The following STK32B variants were observed in gnomAD, a reference collection of about 807,000 sequenced individuals.
The protein encoded by STK32B is serine/threonine kinase 32B.
A neutral mutation model predicts 52.6 loss-of-function variants in STK32B; 43 were observed. The ratio of observed to expected loss-of-function variants is 0.82; its 90% CI spans 0.64 to 1.05. STK32B has a LOEUF of 1.05. Among genes scored for constraint, STK32B ranks in the 50% least tolerant of loss-of-function variants. The pLI is 0.00. For missense variants in STK32B, 621 were observed against 534.6 expected, an observed-to-expected ratio of 1.16 and a Z score of -1.59; for synonymous variants, 238 against 204.3, an observed-to-expected ratio of 1.17 and a Z score of -1.41.
At chr4:5,461,036 G>T (rs1313467920) in intron 9 of STK32B, among the ~76,000 whole-genome samples, 2 of 152,184 alleles carry the variant, frequency 1.3e-5, no homozygotes, top group Non-Finnish European at 2.9e-5. Flanking sequence ...GTTTGGACCT[G>T]CCTGGAAGCC....
At chr4:5,207,663 G>A (rs1722658802) in intron 3 of STK32B, among the ~76,000 whole-genome samples, 1 of 151,634 alleles carries the variant, frequency 6.6e-6, no homozygotes, top group African/African-American at 2.4e-5. Flanking sequence ...TCTCAAAAAT[G>A]CAGTCTCAGA....
intron 11 of STK32B, among the ~76,000 whole-genome samples, chr4:5,481,977 G>C (rs181506344): frequency 6.6e-6 from 1 of 152,166 alleles, no homozygotes; most frequent in African/African-American, 2.4e-5. Flanking sequence ...ATGCTGTTTT[G>C]GTTACTGTAG....
At position 5,116,540 on chromosome 4, in the gene STK32B, A is replaced by G. The variant is rs180759502; in HGVS notation, c.53-23365A>G. On this transcript the variant is annotated intron_variant, in intron 1 of 11. Transcript: ENST00000282908. The stretch of plus-strand genomic sequence containing the variant: ...TATCTACTCTTATTTTGATTACTCT[A>G]TATTTGTAGTATATTTTGAAATCAG... Among the ~76,000 whole-genome samples the G allele has an allele frequency of 1.2e-4, 19 of 152,186 alleles. No individual in the cohort carries two copies. The East Asian group carries it at 2.3e-3, about 19-fold the overall frequency.
chr4:5,450,232 A>G (rs922496313), intron 7 of STK32B, among the ~76,000 whole-genome samples: 3 of 152,154 alleles, frequency 2.0e-5, no homozygotes, highest in African/African-American at 7.2e-5. Flanking sequence ...AGTAGGGGCC[A>G]CTCCCCAGAA....
intron 11 of STK32B, among the ~76,000 whole-genome samples, chr4:5,494,596 G>T (rs572196742): frequency 6.6e-6 from 1 of 152,128 alleles, no homozygotes; most frequent in Admixed American, 6.6e-5. Context: ...ATATTGTTAT[G>T]TGTGAATTTG....
intron 3 of STK32B, among the ~76,000 whole-genome samples, chr4:5,319,358 T>C (rs6851805): frequency 0.24 from 36,189 of 152,160 alleles, 7,076 homozygotes; most frequent in African/African-American, 0.55. Flanking sequence ...TCAACTGCTC[T>C]CCTGCCTAAA....
chr4:5,440,443 T>C (rs1714616668), intron 6 of STK32B, among the ~76,000 whole-genome samples: 1 of 152,144 alleles, frequency 6.6e-6, no homozygotes. Flanking sequence ...GTGATTTTTG[T>C]ACATTGATTT....
chr4:5,086,427 A>C (rs561641365), intron 1 of STK32B, among the ~76,000 whole-genome samples: 1 of 152,364 alleles, frequency 6.6e-6, no homozygotes, highest in African/African-American at 2.4e-5. Flanking sequence ...ATGGAACAGA[A>C]ATAAAAGAAT....
At chr4:5,107,839 T>G (rs1462249195) in intron 1 of STK32B, among the ~76,000 whole-genome samples, 1 of 152,128 alleles carries the variant, frequency 6.6e-6, no homozygotes, top group Non-Finnish European at 1.5e-5. Flanking sequence ...GTGAACTCAT[T>G]TTTTTTGTAA....
chr4:5,056,807 T>A (rs1452240445), intron 1 of STK32B, among the ~76,000 whole-genome samples: 2 of 152,198 alleles, frequency 1.3e-5, no homozygotes, highest in East Asian at 3.8e-4. Context: ...TAGAGTCAGC[T>A]CCACTTGAGG....
intron 4 of STK32B, among the ~76,000 whole-genome samples, chr4:5,362,549 A>C (rs1445722680): frequency 6.6e-6 from 1 of 152,166 alleles, no homozygotes; most frequent in African/African-American, 2.4e-5. Flanking sequence ...TGTATTGTGG[A>C]GCAAATGGGA....
chr4:5,419,531 G>T (rs1440320797), intron 6 of STK32B, among the ~76,000 whole-genome samples: 1 of 152,190 alleles, frequency 6.6e-6, no homozygotes, highest in Non-Finnish European at 1.5e-5. Context: ...AGCTTCAGCC[G>T]CTGTTCTCAA....
At chr4:5,033,824 G>T in the STK32B span, among the ~76,000 whole-genome samples, 2 of 152,314 alleles carry the variant, frequency 1.3e-5, no homozygotes, top group East Asian at 3.9e-4. Context: ...GCCAACTGAT[G>T]GGCTGGCCTG....
chr4:5,253,787 A>G (rs55792890), intron 3 of STK32B, among the ~76,000 whole-genome samples: 3 of 152,192 alleles, frequency 2.0e-5, no homozygotes, highest in Admixed American at 6.5e-5. Context: ...GGTGAATTTT[A>G]TATGTTTTTG....
chr4:5,358,862 G>A (rs765414928), intron 4 of STK32B, among the ~76,000 whole-genome samples: 2 of 152,212 alleles, frequency 1.3e-5, no homozygotes, highest in Non-Finnish European at 2.9e-5. Context: ...GTGACAAAGT[G>A]CTCTGAGACT....
At chr4:5,160,542 A>T (rs776765722) in intron 2 of STK32B, among the ~76,000 whole-genome samples, 13 of 151,352 alleles carry the variant, frequency 8.6e-5, no homozygotes, top group Non-Finnish European at 1.6e-4. Flanking sequence ...CCTTTTCCGG[A>T]TTGCCTTTCC....
intron 1 of STK32B, among the ~76,000 whole-genome samples, chr4:5,062,429 C>T (rs1049857207): frequency 6.6e-6 from 1 of 152,194 alleles, no homozygotes; most frequent in South Asian, 2.1e-4. Context: ...TAGAATTCCC[C>T]TGAAGCTCCT....
intron 11 of STK32B, among the ~76,000 whole-genome samples, chr4:5,486,275 C>T (rs1457271159): frequency 6.6e-6 from 1 of 152,198 alleles, no homozygotes; most frequent in Non-Finnish European, 1.5e-5. Flanking sequence ...CCTACTCAAG[C>T]CTTGGCAATG....
chr4:5,113,875 T>C (rs1264690410), intron 1 of STK32B, among the ~76,000 whole-genome samples: 1 of 152,082 alleles, frequency 6.6e-6, no homozygotes, highest in Admixed American at 6.5e-5. Flanking sequence ...GAATCACATC[T>C]TACGTGGATG....
Sources: gnomAD v4.1 joint callset for allele counts (sites outside exome capture counted in the v4.1 genomes callset) on GRCh38, gnomAD v4.1.1 for gene constraint, MANE v1.5 for transcripts, NCBI Gene and HGNC (gene_info 2026-07-23, HGNC 2026-07-21) for gene names.